CACNA2D3: variants seen among roughly 807,000 people sequenced by gnomAD.
CACNA2D3 encodes the protein calcium voltage-gated channel auxiliary subunit alpha2delta 3.
In CACNA2D3, 60 loss-of-function variants were observed where a neutral mutation model predicts 160.6. That is an observed-to-expected ratio of 0.37 (90% CI 0.30 to 0.46). The LOEUF is 0.46. CACNA2D3 is among the 20% of genes least tolerant of loss of function. The probability of loss-of-function intolerance (pLI) is 1.00; values close to 1 mark genes in which losing one functional copy is unlikely to be tolerated. For synonymous variants in CACNA2D3, 558 were observed against 492.9 expected, an observed-to-expected ratio of 1.13 and a Z score of -1.75; for missense variants, 1,205 against 1,365.0, an observed-to-expected ratio of 0.88 and a Z score of 1.85.
At chr3:54,655,768 C>T (rs566094858) in intron 11 of CACNA2D3, among the ~76,000 whole-genome samples, 16 of 152,230 alleles carry the variant, frequency 1.1e-4, no homozygotes, top group African/African-American at 3.4e-4. Context: ...AGATGAGTTT[C>T]AAGAAACAAG....
intron 31 of CACNA2D3, among the ~76,000 whole-genome samples, 193 bp from the exon 32 acceptor site, chr3:55,004,570 T>G (rs1452877252): frequency 3.9e-5 from 6 of 152,248 alleles, no homozygotes; most frequent in Admixed American, 3.9e-4. Flanking sequence ...TCCTTCAAAT[T>G]CCAAGTGGTA....
At chr3:54,929,376 G>A (rs1278914416) in intron 27 of CACNA2D3, among the ~76,000 whole-genome samples, 2 of 152,346 alleles carry the variant, frequency 1.3e-5, no homozygotes, top group Admixed American at 1.3e-4. Context: ...TCAGCAGGAG[G>A]AATGTCCTGA....
rs958256186 is a variant in CACNA2D3, at chr3:54,770,424, A to G, written c.1380+6073A>G. On this transcript the variant is annotated intron_variant, in intron 13 of 37. Transcript: ENST00000474759. ...TTTTGATGTTAGTTCTGTTTTAGAA[A>G]TAACTCCAAGAACAGTTTTTATATT... is the stretch of plus-strand genomic sequence containing the variant. Among the ~76,000 whole-genome samples, 2 of 152,252 alleles carry G rather than the reference A, an allele frequency of 1.3e-5. 1 individual carries two copies. Among genetic ancestry groups the G allele is most frequent in the Admixed American group, 1.3e-4 (2 of 15,290 alleles).
At chr3:54,801,687 C>CA (rs559181044) in intron 13 of CACNA2D3, among the ~76,000 whole-genome samples, 5 of 151,856 alleles carry the variant, frequency 3.3e-5, no homozygotes, top group African/African-American at 7.3e-5. Flanking sequence ...TAATTTTCTA[C>CA]AAAAAACCGG....
chr3:55,017,208 CCA>C (rs1159380393), intron 34 of CACNA2D3, among the ~76,000 whole-genome samples: 1 of 152,082 alleles, frequency 6.6e-6, no homozygotes, highest in Admixed American at 6.5e-5. Flanking sequence ...GAAATGTTAA[CCA>C]GTAGACCTCC....
chr3:54,303,299 T>A (rs559098804), intron 2 of CACNA2D3, among the ~76,000 whole-genome samples: 1 of 152,190 alleles, frequency 6.6e-6, no homozygotes, highest in Non-Finnish European at 1.5e-5. Flanking sequence ...ACATCAGTGG[T>A]TGACTTGATT....
At chr3:54,290,610 G>A (rs554362723) in intron 2 of CACNA2D3, among the ~76,000 whole-genome samples, 16 of 146,882 alleles carry the variant, frequency 1.1e-4, no homozygotes, top group African/African-American at 2.8e-4. Context: ...ACATGCACAC[G>A]TATGTTTATT....
chr3:54,560,788 A>G (rs756953944), intron 5 of CACNA2D3, among the ~76,000 whole-genome samples: 1 of 152,190 alleles, frequency 6.6e-6, no homozygotes, highest in Non-Finnish European at 1.5e-5. Flanking sequence ...TTAATCTTCT[A>G]CATATGGCTA....
intron 9 of CACNA2D3, among the ~76,000 whole-genome samples, chr3:54,616,022 G>C (rs528602502): frequency 2.0e-5 from 3 of 152,146 alleles, no homozygotes; most frequent in Admixed American, 6.5e-5. Flanking sequence ...GCCCTGCCCC[G>C]CTACCATCCC....
At chr3:54,650,094 A>G (rs1175029773) in intron 11 of CACNA2D3, among the ~76,000 whole-genome samples, 1 of 151,962 alleles carries the variant, frequency 6.6e-6, no homozygotes, top group African/African-American at 2.4e-5. Context: ...AGAATGTTCT[A>G]CTTCGTCTTC....
intron 3 of CACNA2D3, among the ~76,000 whole-genome samples, chr3:54,346,279 T>C (rs997555971): frequency 6.6e-6 from 1 of 152,182 alleles, no homozygotes; most frequent in African/African-American, 2.4e-5. Flanking sequence ...TCATCCAGTG[T>C]CTGGTCCAAC....
chr3:54,226,082 C>T (rs1461780301), intron 2 of CACNA2D3, among the ~76,000 whole-genome samples: 3 of 152,058 alleles, frequency 2.0e-5, no homozygotes, highest in African/African-American at 4.8e-5. Context: ...CGTTTACCAG[C>T]GTTTCTCAAT....
chr3:54,166,053 C>A (rs1700448624), intron 2 of CACNA2D3, among the ~76,000 whole-genome samples: 1 of 152,142 alleles, frequency 6.6e-6, no homozygotes, highest in Non-Finnish European at 1.5e-5. Context: ...CAGCTGTGTG[C>A]CTGAAATACT....
intron 29 of CACNA2D3, 77 bp downstream of exon 29, chr3:54,969,921 C>T: frequency 7.8e-7 from 1 of 1,283,964 alleles, no homozygotes; most frequent in Non-Finnish European, 1.1e-6. Flanking sequence ...CGAGGGAATG[C>T]CCTTATAAAC....
intron 17 of CACNA2D3, among the ~76,000 whole-genome samples, chr3:54,847,870 C>T (rs572356304): frequency 4.0e-4 from 60 of 148,478 alleles, no homozygotes; most frequent in African/African-American, 1.4e-3. Context: ...TACAAGTTTG[C>T]GTGACAGAGT....
intron 11 of CACNA2D3, among the ~76,000 whole-genome samples, chr3:54,667,787 AT>A (rs527400094): frequency 2.0e-5 from 3 of 151,952 alleles, no homozygotes; most frequent in African/African-American, 7.2e-5. Context: ...CCTAAAAATA[AT>A]TTTTTTTAAA....
intron 3 of CACNA2D3, among the ~76,000 whole-genome samples, chr3:54,370,261 G>A (rs4025912): frequency 0.21 from 31,999 of 152,146 alleles, 3,510 homozygotes; most frequent in Middle Eastern, 0.29. Context: ...CAGACTTACA[G>A]TTCTTAGATG....
At chr3:54,538,933 C>T (rs185743291) in intron 5 of CACNA2D3, among the ~76,000 whole-genome samples, 9 of 152,310 alleles carry the variant, frequency 5.9e-5, no homozygotes, top group Admixed American at 1.3e-4. Flanking sequence ...AAAATGTGGT[C>T]AAGAGGACTT....
intron 4 of CACNA2D3, among the ~76,000 whole-genome samples, chr3:54,452,474 T>C (rs1229504659): frequency 6.6e-6 from 1 of 152,230 alleles, no homozygotes. Context: ...TAGTAGCTCT[T>C]TCTACAGTTT....
Sources: allele counts gnomAD v4.1 joint callset (sites outside exome capture counted in the v4.1 genomes callset), GRCh38; gene constraint gnomAD v4.1.1; transcripts MANE v1.5; gene names NCBI Gene and HGNC (gene_info 2026-07-23, HGNC 2026-07-21).